Variants in RGS9 observed in about 807,000 individuals in gnomAD.
RGS9 encodes regulator of G-protein signalling 9.
A neutral mutation model predicts 102.0 loss-of-function variants in RGS9; 78 were observed. That is an observed-to-expected ratio of 0.76 (90% CI 0.64 to 0.92). The LOEUF (loss-of-function observed/expected upper bound fraction) is 0.92, where lower values mean the gene tolerates loss of function less well. RGS9 is among the 40% of genes least tolerant of loss of function. The probability of loss-of-function intolerance (pLI) is 0.00; values close to 1 mark genes in which losing one functional copy is unlikely to be tolerated. For synonymous variants in RGS9, 353 were observed against 318.6 expected (o/e 1.11, Z -1.15); for missense variants, 833 against 866.1 (o/e 0.96, Z 0.48).
chr17:65,183,029 C>G (rs1056547977), intron 9 of RGS9, among the ~76,000 whole-genome samples: 2 of 137,758 alleles, frequency 1.5e-5, no homozygotes, highest in Non-Finnish European at 3.1e-5. Context: ...ATCCAAGACT[C>G]CTTAGACAGC....
At chr17:65,141,837 G>T (rs956922501) in intron 1 of RGS9, among the ~76,000 whole-genome samples, 4 of 152,344 alleles carry the variant, frequency 2.6e-5, no homozygotes, top group Middle Eastern at 6.8e-3. Flanking sequence ...TGACATTTTA[G>T]GCAATACAAA....
intron 1 of RGS9, among the ~76,000 whole-genome samples, chr17:65,138,727 C>T (rs1910009779): frequency 6.6e-6 from 1 of 152,138 alleles, no homozygotes. Context: ...AGCCACACAT[C>T]ATCTTCCAGG....
chr17:65,193,040 C>T (rs1479529383), intron 11 of RGS9, among the ~76,000 whole-genome samples: 6 of 151,114 alleles, frequency 4.0e-5, no homozygotes, highest in South Asian at 2.1e-4. Context: ...TGAGGTGGAT[C>T]GCTTGACCCC....
chr17:65,191,498 T>C (rs1401958834), intron 11 of RGS9, among the ~76,000 whole-genome samples: 1 of 151,742 alleles, frequency 6.6e-6, no homozygotes, highest in Non-Finnish European at 1.5e-5. Flanking sequence ...TCACCTGAGG[T>C]CAGGATTTCA....
At chr17:65,193,684 TA>T in intron 12 of RGS9, 28 bp downstream of exon 12, 3 of 1,418,956 alleles carry the variant, frequency 2.1e-6, no homozygotes, top group Non-Finnish European at 3.0e-6. Flanking sequence ...TGGTGTTTTT[TA>T]AAAAACCGTT....
chr17:65,152,484 C>T (rs1306116662), intron 1 of RGS9, among the ~76,000 whole-genome samples: 1 of 152,164 alleles, frequency 6.6e-6, no homozygotes, highest in African/African-American at 2.4e-5. Flanking sequence ...GGCTGCTCTG[C>T]TGAGAATACA....
intron 16 of RGS9, among the ~76,000 whole-genome samples, 200 bp from the exon 17 acceptor site, chr17:65,210,288 G>T (rs987438172): frequency 2.0e-5 from 3 of 152,218 alleles, no homozygotes; most frequent in Admixed American, 6.5e-5. Flanking sequence ...TCTGATGGCA[G>T]TTGGTACTCA....
intron 15 of RGS9, 128 bp downstream of exon 15, chr17:65,204,429 A>G (rs1912970705): frequency 8.9e-7 from 1 of 1,124,006 alleles, no homozygotes; most frequent in African/African-American, 1.5e-5. Context: ...TGTGGCATGC[A>G]GCTAAGCATG....
intron 1 of RGS9, among the ~76,000 whole-genome samples, chr17:65,144,107 C>T (rs968510967): frequency 7.9e-5 from 12 of 152,100 alleles, no homozygotes; most frequent in Non-Finnish European, 1.6e-4. Flanking sequence ...TGAGCGTCTG[C>T]GAGACATCGG....
chr17:65,174,062 G>A (rs1031431933), intron 8 of RGS9, among the ~76,000 whole-genome samples: 1 of 152,210 alleles, frequency 6.6e-6, no homozygotes, highest in Non-Finnish European at 1.5e-5. Context: ...GCCAGGTTGG[G>A]GCTGGAACTG....
At chr17:65,177,157 T>TCCATCCATCCATCCATCCAC (rs1349975978) in intron 8 of RGS9, among the ~76,000 whole-genome samples, 1 of 150,648 alleles carries the variant, frequency 6.6e-6, no homozygotes. Flanking sequence ...TGTCCGTCCA[T>TCCATCCATCCATCCATCCAC]CCATCCATCC....
At chr17:65,141,056 T>C (rs568626889) in intron 1 of RGS9, among the ~76,000 whole-genome samples, 1 of 152,206 alleles carries the variant, frequency 6.6e-6, no homozygotes, top group African/African-American at 2.4e-5. Flanking sequence ...AAGGACCGTG[T>C]GCGATTCCCG....
At chr17:65,184,134 T>G (rs1912012583) in intron 9 of RGS9, among the ~76,000 whole-genome samples, 2 of 152,166 alleles carry the variant, frequency 1.3e-5, no homozygotes, top group Non-Finnish European at 2.9e-5. Flanking sequence ...GGAAAAAAAC[T>G]CTTATTTCTT....
intron 14 of RGS9, 64 bp downstream of exon 14, chr17:65,202,144 T>C: frequency 8.8e-7 from 1 of 1,139,580 alleles, no homozygotes; most frequent in Non-Finnish European, 1.3e-6. Context: ...CCCATTGTGC[T>C]TGAGGTGAAG....
chr17:65,198,259 CTTT>C (rs56726922), intron 13 of RGS9, among the ~76,000 whole-genome samples: 11 of 145,446 alleles, frequency 7.6e-5, no homozygotes, highest in Admixed American at 3.4e-4. Context: ...GGAACTGTGA[CTTT>C]TTTTTTTTTT....
In RGS9 at chr17:65,177,775, C is replaced by T. The variant is rs1168705477; in HGVS notation, c.626C>T (p.Thr209Ile). The change falls in exon 9 of 19, where the codon ACC (threonine) becomes ATC (isoleucine). Residue 209 changes from threonine (T) to isoleucine (I), a missense_variant. Coordinates refer to ENST00000262406, the MANE Select transcript of RGS9 (RefSeq NM_003835.4). ...NVLDYGLDRV[T>I]NPNEVKVNQK... is the part of the protein sequence containing the mutation. ...CTGGACTACGGCCTGGACCGAGTGA[C>T]CAATCCGAATGAAGTCAAGGTAAAC... The T allele has an allele frequency of 6.2e-7, 1 of 1,614,204 alleles. No individual in the cohort carries two copies. The highest frequency in any genetic ancestry group is 8.5e-7 in the Non-Finnish European group (1 of 1,180,014).
At chr17:65,151,362 T>G (rs1446581427) in intron 1 of RGS9, among the ~76,000 whole-genome samples, 3 of 144,732 alleles carry the variant, frequency 2.1e-5, no homozygotes, top group African/African-American at 5.1e-5. Flanking sequence ...AAAAAAAGAG[T>G]CCTTCAGCTG....
chr17:65,167,200 T>C (rs1413387728), intron 7 of RGS9, among the ~76,000 whole-genome samples: 1 of 152,128 alleles, frequency 6.6e-6, no homozygotes, highest in African/African-American at 2.4e-5. Context: ...AGCCCTTTTT[T>C]ATTTATTTAT....
At position 65,158,948 on chromosome 17, in the gene RGS9, C is replaced by T. The variant is rs141341095; in HGVS notation, c.205+603C>T. ...GCCATCATATCCCCTGTGGCCTGCA[C>T]GTATACATCCAGATGGCCTGAAATG... On this transcript the variant is annotated intron_variant, in intron 3 of 18. Transcript: ENST00000262406. 5.8e-4 allele frequency among the ~76,000 whole-genome samples: 88 copies of T among 152,230 alleles called. 1 individual carries two copies. The East Asian group carries it at 0.014, about 24-fold the overall frequency.
Sources: gnomAD v4.1 joint callset for allele counts (sites outside exome capture counted in the v4.1 genomes callset) on GRCh38, gnomAD v4.1.1 for gene constraint, MANE v1.5 for transcripts, NCBI Gene and HGNC (gene_info 2026-07-23, HGNC 2026-07-21) for gene names.